CYSLTR2: variants seen among roughly 807,000 people sequenced by gnomAD.
CYSLTR2 encodes G-protein coupled receptor GPCR21.
For missense variants in CYSLTR2, 398 were observed against 411.9 expected, an observed-to-expected ratio of 0.97 and a Z score of 0.29; for synonymous variants, 179 against 160.8, an observed-to-expected ratio of 1.11 and a Z score of -0.86.
chr13:48,661,478 A>T (rs939148322), intron 1 of CYSLTR2, among the ~76,000 whole-genome samples: 15 of 151,626 alleles, frequency 9.9e-5, no homozygotes, highest in Admixed American at 5.2e-4. Context: ...CCCTGCAAAA[A>T]TTTTGCCTCC....
intron 4 of CYSLTR2, among the ~76,000 whole-genome samples, chr13:48,705,996 G>GTTTTTTTTT (rs368909553): frequency 1.6e-5 from 2 of 128,590 alleles, no homozygotes; most frequent in Non-Finnish European, 3.2e-5. Context: ...TTGTTTTGTT[G>GTTTTTTTTT]TTGTTTTTTT....
chr13:48,680,994 G>C (rs1456103473), intron 1 of CYSLTR2, among the ~76,000 whole-genome samples: 1 of 151,840 alleles, frequency 6.6e-6, no homozygotes, highest in African/African-American at 2.4e-5. Context: ...GAGGTTTCTA[G>C]GAAGGATGTT....
intron 4 of CYSLTR2, chr13:48,706,454 C>T (rs771014593): frequency 1.1e-5 from 2 of 180,606 alleles, no homozygotes; most frequent in Non-Finnish European, 2.3e-5. Context: ...TGTGCCATTT[C>T]TTTCTGTCCT....
At chr13:48,674,380 C>A (rs138136629) in intron 1 of CYSLTR2, among the ~76,000 whole-genome samples, 129 of 152,234 alleles carry the variant, frequency 8.5e-4, no homozygotes, top group African/African-American at 2.8e-3. Context: ...GATCTTCAAT[C>A]TCTGATATCC....
Position 48,688,831 on chromosome 13 carries a change from G to A in CYSLTR2, c.-265-2381G>A, listed in dbSNP as rs138963965. Among the ~76,000 whole-genome samples, 1,271 of 152,190 alleles carry A rather than the reference G, an allele frequency of 8.4e-3. 20 individuals are homozygous for A. The highest frequency in any genetic ancestry group is 0.028 in the African/African-American group (1,159 of 41,528). The stretch of plus-strand genomic sequence containing the variant: ...GGTTCTAAATCCTTGAGGAATCGCC[G>A]CACTGCCTTCCACAATGGCTAAACT... On this transcript the variant is annotated intron_variant, in intron 1 of 4. Coordinates refer to ENST00000682523, the MANE Select transcript of CYSLTR2 (RefSeq NM_001308476.3).
At chr13:48,682,207 G>A (rs1163162631) in intron 1 of CYSLTR2, among the ~76,000 whole-genome samples, 5 of 152,042 alleles carry the variant, frequency 3.3e-5, no homozygotes, top group Non-Finnish European at 7.4e-5. Context: ...TTATTGACCT[G>A]GCTTGTGCAA....
At chr13:48,666,245 G>C (rs999561549) in intron 1 of CYSLTR2, among the ~76,000 whole-genome samples, 4 of 152,028 alleles carry the variant, frequency 2.6e-5, no homozygotes, top group Non-Finnish European at 5.9e-5. Context: ...TGACCTCTAA[G>C]GTTTCTGCTG....
chr13:48,687,124 G>C (rs1953912722), intron 1 of CYSLTR2, among the ~76,000 whole-genome samples: 1 of 152,048 alleles, frequency 6.6e-6, no homozygotes, highest in Admixed American at 6.6e-5. Context: ...AGGCTCTCTG[G>C]CCTTAGGACT....
chr13:48,659,426 T>C (rs1249999368), intron 1 of CYSLTR2, among the ~76,000 whole-genome samples: 3 of 152,236 alleles, frequency 2.0e-5, no homozygotes, highest in Non-Finnish European at 2.9e-5. Flanking sequence ...AGGTTTTCCA[T>C]GATATCGCAA....
At chr13:48,675,191 C>G (rs1953560225) in intron 1 of CYSLTR2, among the ~76,000 whole-genome samples, 1 of 152,220 alleles carries the variant, frequency 6.6e-6, no homozygotes, top group Non-Finnish European at 1.5e-5. Flanking sequence ...CCGCTGCTCT[C>G]TTCAGAGCTG....
chr13:48,673,606 C>A (rs1036315171), intron 1 of CYSLTR2, among the ~76,000 whole-genome samples: 1 of 152,082 alleles, frequency 6.6e-6, no homozygotes, highest in East Asian at 1.9e-4. Flanking sequence ...TTAATTGGGG[C>A]ATTTAGCCCA....
chr13:48,656,020 G>A (rs1183629704), intron 1 of CYSLTR2, among the ~76,000 whole-genome samples: 1 of 152,150 alleles, frequency 6.6e-6, no homozygotes, highest in African/African-American at 2.4e-5. Flanking sequence ...GATACAAACA[G>A]CATTATAAGT....
At chr13:48,667,566 G>C (rs367633909) in intron 1 of CYSLTR2, among the ~76,000 whole-genome samples, 1 of 152,158 alleles carries the variant, frequency 6.6e-6, no homozygotes, top group South Asian at 2.1e-4. Context: ...TGCCCCACAG[G>C]GCTGTTTTTC....
At chr13:48,657,107 A>G (rs1431380160) in intron 1 of CYSLTR2, among the ~76,000 whole-genome samples, 1 of 152,236 alleles carries the variant, frequency 6.6e-6, no homozygotes, top group African/African-American at 2.4e-5. Flanking sequence ...AAATAAATCA[A>G]TTCACCCAAT....
chr13:48,696,889 C>A (rs142267453), intron 4 of CYSLTR2, among the ~76,000 whole-genome samples: 2 of 152,110 alleles, frequency 1.3e-5, no homozygotes, highest in Admixed American at 6.5e-5. Context: ...GAGGGTCCCA[C>A]GCCCACGGAG....
chr13:48,660,490 A>C (rs1198356557), intron 1 of CYSLTR2, among the ~76,000 whole-genome samples: 2 of 152,184 alleles, frequency 1.3e-5, no homozygotes, highest in African/African-American at 2.4e-5. Context: ...GGGTAGAGGA[A>C]AAATCAGTGC....
intron 1 of CYSLTR2, among the ~76,000 whole-genome samples, chr13:48,690,330 G>A (rs1257538830): frequency 6.6e-6 from 1 of 152,096 alleles, no homozygotes; most frequent in East Asian, 1.9e-4. Flanking sequence ...TGTCTTATGT[G>A]TATTTTCAAA....
At chr13:48,678,067 G>A (rs990746660) in intron 1 of CYSLTR2, among the ~76,000 whole-genome samples, 1 of 152,082 alleles carries the variant, frequency 6.6e-6, no homozygotes, top group Non-Finnish European at 1.5e-5. Context: ...CATCCTGAGG[G>A]CAGTGAGAGC....
chr13:48,682,551 C>T (rs570710003), intron 1 of CYSLTR2, among the ~76,000 whole-genome samples: 23 of 152,212 alleles, frequency 1.5e-4, no homozygotes, highest in South Asian at 1.0e-3. Flanking sequence ...TCCATCAAAA[C>T]GAGAGAGCCA....
Sources: gnomAD v4.1 joint callset for allele counts (sites outside exome capture counted in the v4.1 genomes callset) on GRCh38, gnomAD v4.1.1 for gene constraint, MANE v1.5 for transcripts, NCBI Gene and HGNC (gene_info 2026-07-23, HGNC 2026-07-21) for gene names.